NRG1: variants seen among roughly 807,000 people sequenced by gnomAD.
The protein encoded by NRG1 is pro-neuregulin-1, membrane-bound isoform.
A neutral mutation model predicts 63.8 loss-of-function variants in NRG1; 18 were observed. The observed-to-expected ratio is 0.28, with a 90% CI of 0.19 to 0.42. NRG1 has a LOEUF of 0.42. Among genes scored for constraint, NRG1 ranks in the 10% least tolerant of loss-of-function variants. The pLI is 1.00. For missense variants in NRG1, 762 were observed against 814.7 expected (o/e 0.94, Z 0.79); for synonymous variants, 302 against 301.3 (o/e 1.00, Z -0.02).
rs1820120615 is a variant in NRG1, at chr8:32,041,859, G to GT, written c.37+402429dup. ...CCTCAGGAGACCAACCTCATAAGTG[G>GT]TATTTATTAGTGCCTGGGCTCAAAT... On this transcript the variant is annotated intron_variant, in intron 1 of 10. Transcript: ENST00000519301. Among the ~76,000 whole-genome samples the GT allele has an allele frequency of 7.9e-5, 12 of 152,236 alleles. No homozygotes were observed. In the South Asian group the frequency reaches 2.5e-3, roughly 32 times the overall value.
intron 5 of NRG1, among the ~76,000 whole-genome samples, chr8:32,693,259 C>T (rs1812305183): frequency 6.6e-6 from 1 of 150,430 alleles, no homozygotes; most frequent in South Asian, 2.1e-4. Context: ...CGCTCTGTCA[C>T]CCAGGCTGGA....
At chr8:31,896,654 C>T (rs1831603718) in intron 1 of NRG1, among the ~76,000 whole-genome samples, 2 of 152,164 alleles carry the variant, frequency 1.3e-5, no homozygotes, top group African/African-American at 4.8e-5. Context: ...TTGATCTGGG[C>T]CCTGAAGTTG....
intron 1 of NRG1, among the ~76,000 whole-genome samples, chr8:32,279,623 TTAC>T (rs776174578): frequency 6.6e-6 from 1 of 152,240 alleles, no homozygotes; most frequent in African/African-American, 2.4e-5. Context: ...AGTGCTGGGA[TTAC>T]AGGCGTGAGC....
At chr8:32,436,212 C>T (rs1274168471) in intron 1 of NRG1, among the ~76,000 whole-genome samples, 1 of 152,106 alleles carries the variant, frequency 6.6e-6, no homozygotes, top group Non-Finnish European at 1.5e-5. Context: ...GGGAAAACAC[C>T]TTATAAAGCC....
chr8:31,671,790 G>A (rs1007223111), intron 1 of NRG1, among the ~76,000 whole-genome samples: 13 of 152,050 alleles, frequency 8.5e-5, no homozygotes, highest in South Asian at 2.1e-4. Flanking sequence ...TTTACAGGAG[G>A]AGAAAATCAA....
chr8:32,413,505 G>A (rs940496264), intron 1 of NRG1, among the ~76,000 whole-genome samples: 8 of 152,114 alleles, frequency 5.3e-5, no homozygotes, highest in African/African-American at 1.9e-4. Flanking sequence ...TAAAAACTAA[G>A]AAAACCTTAA....
intron 1 of NRG1, among the ~76,000 whole-genome samples, chr8:32,238,565 C>A (rs1847808799): frequency 6.6e-6 from 1 of 151,960 alleles, no homozygotes; most frequent in Non-Finnish European, 1.5e-5. Context: ...GTGTCCTTGG[C>A]TGAAGGGAGA....
intron 1 of NRG1, among the ~76,000 whole-genome samples, chr8:32,072,296 AAAGT>A (rs1179451774): frequency 6.6e-6 from 1 of 151,620 alleles, no homozygotes; most frequent in African/African-American, 2.4e-5. Flanking sequence ...AAAAAAAAAA[AAAGT>A]AAGAAAAAGA....
rs185619316 is a variant in NRG1, at chr8:32,676,489, C to T, written c.503-51460C>T. The stretch of plus-strand genomic sequence containing the variant: ...AACCTAGTTTTAGTTCTAACTCTGC[C>T]ATTTACTGCTCATGTGACCCTTGGC... On this transcript the variant is annotated intron_variant, in intron 5 of 11. Coordinates refer to ENST00000356819, the Ensembl canonical transcript of NRG1. Among the ~76,000 whole-genome samples, 654 of 152,302 alleles carry T rather than the reference C, an allele frequency of 4.3e-3. 7 individuals are homozygous for T. The highest frequency in any genetic ancestry group is 0.015 in the African/African-American group (622 of 41,570).
intron 1 of NRG1, among the ~76,000 whole-genome samples, chr8:32,368,568 A>C (rs1808387441): frequency 6.6e-6 from 1 of 152,150 alleles, no homozygotes; most frequent in Non-Finnish European, 1.5e-5. Context: ...CAAACAAACA[A>C]AACAAAGCAA....
chr8:31,852,077 A>G (rs1827294262), intron 1 of NRG1, among the ~76,000 whole-genome samples: 1 of 151,386 alleles, frequency 6.6e-6, no homozygotes, highest in Non-Finnish European at 1.5e-5. Context: ...ATACGTGTGC[A>G]TGTGTCTTTA....
rs567651376 is a variant in NRG1, at chr8:31,991,233, G to A, written c.37+351802G>A. On this transcript the variant is annotated intron_variant, in intron 1 of 10. Transcript: ENST00000519301. ...AACAAAGTCCCCCTCCTACCTCCAC[G>A]GTGATTGTTTCTCATAGATGAAAAC... is the stretch of plus-strand genomic sequence containing the variant. Among the ~76,000 whole-genome samples, 11 of 151,894 alleles carry A rather than the reference G, an allele frequency of 7.2e-5. 1 individual carries two copies. Among genetic ancestry groups the A allele is most frequent in the African/African-American group, 1.2e-4 (5 of 41,380 alleles).
At chr8:32,015,319 G>GA (rs1815345874) in intron 1 of NRG1, among the ~76,000 whole-genome samples, 1 of 152,168 alleles carries the variant, frequency 6.6e-6, no homozygotes, top group Non-Finnish European at 1.5e-5. Flanking sequence ...GAAAAAATAA[G>GA]AAAGTCCATT....
At chr8:32,014,973 C>G (rs1319651697) in intron 1 of NRG1, among the ~76,000 whole-genome samples, 1 of 152,044 alleles carries the variant, frequency 6.6e-6, no homozygotes, top group Non-Finnish European at 1.5e-5. Context: ...TCAACAGAAG[C>G]CAGGAGAGAG....
chr8:31,746,767 C>T (rs533863400), intron 1 of NRG1, among the ~76,000 whole-genome samples: 8 of 152,040 alleles, frequency 5.3e-5, no homozygotes, highest in Middle Eastern at 6.8e-3. Flanking sequence ...AAGTGTCCAT[C>T]AGCAGTTGAA....
chr8:31,903,860 G>A (rs1832305164), intron 1 of NRG1, among the ~76,000 whole-genome samples: 2 of 152,062 alleles, frequency 1.3e-5, no homozygotes, highest in African/African-American at 2.4e-5. Flanking sequence ...GAGGCTGAGG[G>A]AGGAGGATCA....
chr8:32,049,668 A>G (rs1821658750), intron 1 of NRG1, among the ~76,000 whole-genome samples: 1 of 152,146 alleles, frequency 6.6e-6, no homozygotes, highest in Non-Finnish European at 1.5e-5. Flanking sequence ...TTAAAAGGAA[A>G]TTGGGTGTGT....
intron 1 of NRG1, among the ~76,000 whole-genome samples, chr8:32,572,573 G>A (rs928547542): frequency 3.9e-5 from 6 of 152,024 alleles, no homozygotes; most frequent in Non-Finnish European, 7.4e-5. Flanking sequence ...TTATACAGTA[G>A]CTAAAAATCA....
At chr8:32,140,131 A>G (rs1836052369) in intron 1 of NRG1, among the ~76,000 whole-genome samples, 5 of 152,150 alleles carry the variant, frequency 3.3e-5, no homozygotes, top group Admixed American at 3.3e-4. Context: ...AATTGCTTGA[A>G]TACCACGGTG....
Sources: allele counts gnomAD v4.1 joint callset (sites outside exome capture counted in the v4.1 genomes callset), GRCh38; gene constraint gnomAD v4.1.1; transcripts MANE v1.5; gene names NCBI Gene and HGNC (gene_info 2026-07-23, HGNC 2026-07-21).